The following CNIH3 variants were observed in gnomAD, a reference collection of about 807,000 sequenced individuals.
CNIH3 encodes protein cornichon homolog 3.
CNIH3 carries 14 observed loss-of-function variants against 24.1 expected under a neutral mutation model. The ratio of observed to expected loss-of-function variants is 0.58; its 90% CI spans 0.38 to 0.91. The LOEUF is 0.91. Among genes scored for constraint, CNIH3 ranks in the 40% least tolerant of loss-of-function variants. The probability of loss-of-function intolerance (pLI) is 0.00; values close to 1 mark genes in which losing one functional copy is unlikely to be tolerated. For synonymous variants in CNIH3, 68 were observed against 73.8 expected (o/e 0.92, Z 0.40); for missense variants, 178 against 196.8 (o/e 0.90, Z 0.57).
At chr1:224,522,836 G>A (rs1347424224) in intron 2 of CNIH3, among the ~76,000 whole-genome samples, 1 of 152,162 alleles carries the variant, frequency 6.6e-6, no homozygotes, top group Non-Finnish European at 1.5e-5. Context: ...CACATACTTT[G>A]GAAAACAGTG....
intron 1 of CNIH3, among the ~76,000 whole-genome samples, chr1:224,643,373 G>A (rs1368284949): frequency 1.3e-5 from 2 of 152,190 alleles, no homozygotes; most frequent in Admixed American, 1.3e-4. Flanking sequence ...ATCTACATGA[G>A]GCTCATCTAG....
intron 4 of CNIH3, among the ~76,000 whole-genome samples, chr1:224,568,565 T>C (rs189723424): frequency 2.1e-4 from 32 of 152,274 alleles, no homozygotes; most frequent in African/African-American, 7.2e-4. Flanking sequence ...AAGACCAGCC[T>C]GAGCAACATA....
chr1:224,650,996 A>G (rs925229596), intron 1 of CNIH3, among the ~76,000 whole-genome samples: 2 of 152,132 alleles, frequency 1.3e-5, no homozygotes, highest in Admixed American at 6.5e-5. Context: ...GGTTGTTCAC[A>G]TGGGGAGGCT....
At chr1:224,442,674 C>A (rs951156434) in intron 1 of CNIH3, among the ~76,000 whole-genome samples, 1 of 152,154 alleles carries the variant, frequency 6.6e-6, no homozygotes, top group Admixed American at 6.5e-5. Flanking sequence ...ATCTTCCCAT[C>A]AACCTTATGA....
intron 1 of CNIH3, among the ~76,000 whole-genome samples, chr1:224,630,913 C>A (rs1009400310): frequency 6.6e-6 from 1 of 152,084 alleles, no homozygotes; most frequent in African/African-American, 2.4e-5. Flanking sequence ...CGAATCCCAG[C>A]GCTTCGGGAG....
chr1:224,592,120 T>C (rs1000207298), downstream of CNIH3, among the ~76,000 whole-genome samples: 3 of 151,638 alleles, frequency 2.0e-5, no homozygotes, highest in African/African-American at 7.3e-5. Context: ...TATGTGTGTA[T>C]GTGTGTGTGT....
intron 3 of CNIH3, among the ~76,000 whole-genome samples, chr1:224,721,710 C>G (rs774758808): frequency 1.3e-5 from 2 of 152,142 alleles, no homozygotes; most frequent in Non-Finnish European, 2.9e-5. Flanking sequence ...AAGCTGTCCC[C>G]TTACAGATCT....
intron 1 of CNIH3, among the ~76,000 whole-genome samples, chr1:224,452,640 G>C (rs1176434083): frequency 6.6e-6 from 1 of 151,520 alleles, no homozygotes; most frequent in Non-Finnish European, 1.5e-5. Flanking sequence ...ACATTAGCCA[G>C]GTGTGGTGAT....
At chr1:224,610,198 A>C (rs1047037401) in intron 3 of CNIH3, among the ~76,000 whole-genome samples, 5 of 152,206 alleles carry the variant, frequency 3.3e-5, no homozygotes, top group African/African-American at 1.2e-4. Flanking sequence ...GATAGGTTCG[A>C]TGTATTAAAT....
chr1:224,589,705 C>T (rs937253589), downstream of CNIH3, among the ~76,000 whole-genome samples: 5 of 152,180 alleles, frequency 3.3e-5, no homozygotes, highest in African/African-American at 7.2e-5. Flanking sequence ...AGTGAGAGCA[C>T]TTCTTTGAGT....
In CNIH3 at chr1:224,626,541, A is replaced by C. The variant is rs138702391; in HGVS notation, c.81+9286A>C. Among the ~76,000 whole-genome samples, 211 of 152,358 alleles carry C rather than the reference A, an allele frequency of 1.4e-3. 1 individual carries two copies. The highest frequency in any genetic ancestry group is 4.8e-3 in the African/African-American group (201 of 41,594). ...TAGGCTGATAGACTGTAATGGGGCC[A>C]CCACCATTTCTGTGTGCACAGTGTC... On this transcript the variant is annotated intron_variant, in intron 1 of 5. Coordinates refer to ENST00000272133, the MANE Select transcript of CNIH3 (RefSeq NM_152495.2).
chr1:224,535,387 A>G (rs904342716), intron 2 of CNIH3, among the ~76,000 whole-genome samples: 3 of 152,230 alleles, frequency 2.0e-5, no homozygotes, highest in Non-Finnish European at 1.5e-5. Flanking sequence ...CCTTGACTTC[A>G]GACTTCAGAC....
At chr1:224,449,737 C>T (rs1490067608) in intron 1 of CNIH3, among the ~76,000 whole-genome samples, 1 of 152,180 alleles carries the variant, frequency 6.6e-6, no homozygotes, top group East Asian at 1.9e-4. Context: ...CAGTGGCCCT[C>T]ATTGCTTACA....
At chr1:224,634,684 C>T (rs1683999666) in intron 1 of CNIH3, among the ~76,000 whole-genome samples, 1 of 152,148 alleles carries the variant, frequency 6.6e-6, no homozygotes, top group South Asian at 2.1e-4. Context: ...TCTTCCTTTC[C>T]TTTTCTTCTT....
Position 224,467,129 on chromosome 1 carries a change from G to T in CNIH3, n.203+32267G>T, listed in dbSNP as rs568041814. ...CAGCCTTGACCTCCTGGGCTCAAGT[G>T]ATCATCCCACCCCAGCCTCTCACGT... is the stretch of plus-strand genomic sequence containing the variant. On this transcript the variant is annotated intron_variant and non_coding_transcript_variant, in intron 1 of 5. Transcript: ENST00000471578. Among the ~76,000 whole-genome samples, 22 of 152,216 alleles carry T rather than the reference G, an allele frequency of 1.4e-4. No homozygotes were observed. The South Asian group carries it at 4.4e-3, about 30-fold the overall frequency.
intron 2 of CNIH3, among the ~76,000 whole-genome samples, chr1:224,528,762 C>A (rs74146372): frequency 0.023 from 3,463 of 152,190 alleles, 140 homozygotes; most frequent in African/African-American, 0.079. Flanking sequence ...AATATAAAGA[C>A]AAATTCATTT....
intron 1 of CNIH3, among the ~76,000 whole-genome samples, chr1:224,626,236 G>A (rs1277779382): frequency 6.6e-6 from 1 of 152,146 alleles, no homozygotes; most frequent in East Asian, 1.9e-4. Flanking sequence ...TTGCTGTTTG[G>A]GATCATTCAT....
chr1:224,451,232 A>G (rs1675385379), intron 1 of CNIH3, among the ~76,000 whole-genome samples: 1 of 152,232 alleles, frequency 6.6e-6, no homozygotes, highest in African/African-American at 2.4e-5. Context: ...GAACTTGTCA[A>G]GCAAGAGCCG....
chr1:224,495,172 T>C (rs1415228277), intron 1 of CNIH3, among the ~76,000 whole-genome samples: 1 of 152,200 alleles, frequency 6.6e-6, no homozygotes, highest in African/African-American at 2.4e-5. Context: ...ATCAATTTTT[T>C]GGCTGTTCAA....
Sources: allele counts gnomAD v4.1 joint callset (sites outside exome capture counted in the v4.1 genomes callset), GRCh38; gene constraint gnomAD v4.1.1; transcripts MANE v1.5; gene names NCBI Gene and HGNC (gene_info 2026-07-23, HGNC 2026-07-21).